TXK: variants seen among roughly 807,000 people sequenced by gnomAD.
The protein encoded by TXK is tyrosine-protein kinase TXK.
In TXK, 60 loss-of-function variants were observed where a neutral mutation model predicts 81.0. The ratio of observed to expected loss-of-function variants is 0.74; its 90% confidence interval spans 0.60 to 0.92. TXK has a LOEUF of 0.92. Among genes scored for constraint, TXK ranks in the 40% least tolerant of loss-of-function variants. TXK has a pLI of 0.00. For synonymous variants in TXK, 203 were observed against 210.7 expected (o/e 0.96, Z 0.32); for missense variants, 581 against 638.3 (o/e 0.91, Z 0.97).
chr4:48,117,155 T>C (rs1297318289), intron 1 of TXK, among the ~76,000 whole-genome samples: 1 of 152,218 alleles, frequency 6.6e-6, no homozygotes, highest in African/African-American at 2.4e-5. Context: ...CCCAAAGTGC[T>C]GGGATTACAG....
chr4:48,124,655 G>C (rs973351694), intron 1 of TXK, among the ~76,000 whole-genome samples: 2 of 152,024 alleles, frequency 1.3e-5, no homozygotes, highest in Non-Finnish European at 2.9e-5. Flanking sequence ...TTTTGACTGA[G>C]TGGAACGGCA....
Position 48,112,580 on chromosome 4 carries a change from A to T in TXK, c.175-68T>A. ...AATTTGTACTAAAAAATATAGGGAC[A>T]AAGCATATTTGCCTTCTGCCTCACT... On this transcript the variant is annotated intron_variant, in intron 3 of 14. Coordinates refer to ENST00000264316, the MANE Select transcript of TXK (RefSeq NM_003328.3). 3 of 1,483,230 alleles carry T rather than the reference A, an allele frequency of 2.0e-6. No individual in the cohort carries two copies. The East Asian group carries it at 6.9e-5, about 34-fold the overall frequency. 91.9% of individuals were successfully genotyped at this position (1,483,230 alleles called of 1,614,324 possible).
At chr4:48,101,082 A>T (rs142662974) in intron 6 of TXK, among the ~76,000 whole-genome samples, 2 of 152,126 alleles carry the variant, frequency 1.3e-5, no homozygotes, top group African/African-American at 4.8e-5. Flanking sequence ...TGGCTTGCAG[A>T]CAAGATGGAA....
At chr4:48,120,198 CATATATACGT>C (rs961480616) in intron 1 of TXK, among the ~76,000 whole-genome samples, 4 of 92,182 alleles carry the variant, frequency 4.3e-5, no homozygotes, top group African/African-American at 1.1e-4. Context: ...TACATACACA[CATATATACGT>C]ATATATGTAC....
intron 1 of TXK, among the ~76,000 whole-genome samples, chr4:48,131,317 C>CTT (rs35308874): frequency 1.4e-5 from 2 of 145,114 alleles, no homozygotes; most frequent in African/African-American, 2.5e-5. Flanking sequence ...AACATATAAA[C>CTT]TTTTTTTTTT....
rs530887387 is a variant in TXK at position 48,102,240 on chromosome 4, A to G, written c.501+2661T>C. 4.6e-5 allele frequency among the ~76,000 whole-genome samples: 7 copies of G among 152,300 alleles called. No homozygotes were observed. The South Asian group carries it at 1.5e-3, about 32-fold the overall frequency. ...GTGATCCACCCGCCTCGGCCTCCCG[A>G]AGTGCTGGGATTACAGGCTTAAGCC... On this transcript the variant is annotated intron_variant, in intron 6 of 14. Coordinates refer to ENST00000264316, the MANE Select transcript of TXK (RefSeq NM_003328.3).
intron 6 of TXK, among the ~76,000 whole-genome samples, chr4:48,097,056 A>C (rs1190125144): frequency 6.6e-6 from 1 of 152,300 alleles, no homozygotes; most frequent in African/African-American, 2.4e-5. Context: ...GCCCAAATCA[A>C]GTAGAAGAAA....
intron 1 of TXK, among the ~76,000 whole-genome samples, chr4:48,132,441 G>A (rs1481070807): frequency 6.6e-6 from 1 of 152,124 alleles, no homozygotes; most frequent in African/African-American, 2.4e-5. Flanking sequence ...TGCAAGGTGG[G>A]CAAAAAGGGA....
intron 1 of TXK, among the ~76,000 whole-genome samples, chr4:48,127,000 A>T (rs1056891889): frequency 1.3e-5 from 2 of 152,202 alleles, no homozygotes; most frequent in Admixed American, 1.3e-4. Context: ...ATGTTTCCTG[A>T]TTCAATAGCA....
intron 1 of TXK, 96 bp from the exon 2 acceptor site, chr4:48,114,498 G>T (rs768436841): frequency 1.6e-6 from 2 of 1,282,806 alleles, no homozygotes; most frequent in African/African-American, 1.5e-5. Context: ...ATTATAAAGC[G>T]TATGAAAGTC....
chr4:48,068,534 T>C (rs1254531092), intron 14 of TXK, among the ~76,000 whole-genome samples: 2 of 152,342 alleles, frequency 1.3e-5, no homozygotes, highest in African/African-American at 4.8e-5. Context: ...TCTTACATTT[T>C]AAAAAGTTTT....
At chr4:48,094,331 G>T in intron 7 of TXK, 127 bp from the exon 8 acceptor site, 2 of 1,065,494 alleles carry the variant, frequency 1.9e-6, no homozygotes, top group African/African-American at 1.6e-5. Context: ...AAGTAGATTG[G>T]CTAAATTCAA....
chr4:48,128,561 C>CTTTTTTTTT (rs58431850), intron 1 of TXK, among the ~76,000 whole-genome samples: 1 of 85,294 alleles, frequency 1.2e-5, no homozygotes. Context: ...CCACTACATC[C>CTTTTTTTTT]TTTTTTTTTT....
chr4:48,094,517 C>G (rs1387436704), intron 7 of TXK, among the ~76,000 whole-genome samples: 1 of 152,178 alleles, frequency 6.6e-6, no homozygotes, highest in Non-Finnish European at 1.5e-5. Flanking sequence ...TGAATGAACA[C>G]ATGCACTGTA....
chr4:48,130,250 T>A (rs1201986021), intron 1 of TXK, among the ~76,000 whole-genome samples: 1 of 152,192 alleles, frequency 6.6e-6, no homozygotes, highest in African/African-American at 2.4e-5. Flanking sequence ...TGGAAACAAA[T>A]TATTCTGAGA....
At chr4:48,078,063 A>G (rs1717140067) in intron 11 of TXK, among the ~76,000 whole-genome samples, 1 of 152,120 alleles carries the variant, frequency 6.6e-6, no homozygotes, top group African/African-American at 2.4e-5. Context: ...CGGCCTGGCT[A>G]TTGCGATTTT....
chr4:48,067,841 C>G, intron 14 of TXK, 136 bp from the exon 15 acceptor site: 1 of 866,372 alleles, frequency 1.2e-6, no homozygotes, highest in South Asian at 1.6e-5. Flanking sequence ...ATTTTTCACT[C>G]ATGCAAAAAT....
At chr4:48,084,862 TC>T (rs1717453136) in intron 10 of TXK, among the ~76,000 whole-genome samples, 3 of 152,038 alleles carry the variant, frequency 2.0e-5, no homozygotes, top group Non-Finnish European at 4.4e-5. Flanking sequence ...GTCCAGTTAA[TC>T]GAGAATGGGT....
chr4:48,125,446 G>A (rs536408354), intron 1 of TXK, among the ~76,000 whole-genome samples: 4 of 152,274 alleles, frequency 2.6e-5, no homozygotes, highest in South Asian at 4.1e-4. Context: ...CTTAGTAAAC[G>A]AAAGCGAATC....
Sources: allele counts gnomAD v4.1 joint callset (sites outside exome capture counted in the v4.1 genomes callset), GRCh38; gene constraint gnomAD v4.1.1; transcripts MANE v1.5; gene names NCBI Gene and HGNC (gene_info 2026-07-23, HGNC 2026-07-21).